Variants in DNER observed in about 807,000 individuals in gnomAD.
DNER encodes the protein delta and Notch-like epidermal growth factor-related receptor.
In DNER, 33 loss-of-function variants were observed where a neutral mutation model predicts 78.2. The ratio of observed to expected loss-of-function variants is 0.42; its 90% CI spans 0.32 to 0.56. The LOEUF is 0.56. Among genes scored for constraint, DNER ranks in the 20% least tolerant of loss-of-function variants. DNER has a pLI of 0.11. For missense variants in DNER, 918 were observed against 975.3 expected (o/e 0.94, Z 0.78); for synonymous variants, 417 against 384.8 (o/e 1.08, Z -0.98).
intron 5 of DNER, among the ~76,000 whole-genome samples, chr2:229,545,531 G>A (rs958196213): frequency 6.6e-6 from 1 of 152,164 alleles, no homozygotes; most frequent in East Asian, 1.9e-4. Context: ...CCGAGATCGC[G>A]CCACTGCACT....
intron 6 of DNER, among the ~76,000 whole-genome samples, chr2:229,505,177 AGTGTGTGTGTGT>A (rs144321798): frequency 1.5e-4 from 19 of 126,512 alleles, no homozygotes; most frequent in South Asian, 1.2e-3. Context: ...GTGTTGCTGC[AGTGTGTGTGTGT>A]GTGTGTGTGT....
At chr2:229,499,942 T>C (rs1372962810) in intron 6 of DNER, among the ~76,000 whole-genome samples, 6 of 151,370 alleles carry the variant, frequency 4.0e-5, no homozygotes, top group African/African-American at 7.3e-5. Context: ...TTTTTTTTTT[T>C]TTTTCTCTTC....
chr2:229,406,962 G>A (rs1475710632), intron 10 of DNER, among the ~76,000 whole-genome samples: 1 of 152,020 alleles, frequency 6.6e-6, no homozygotes, highest in Admixed American at 6.6e-5. Context: ...CATTTCTCAT[G>A]TTTCATAGTC....
intron 11 of DNER, among the ~76,000 whole-genome samples, chr2:229,372,641 G>C (rs1162936567): frequency 6.6e-6 from 1 of 152,162 alleles, no homozygotes; most frequent in African/African-American, 2.4e-5. Flanking sequence ...GGAAACAGTG[G>C]GAGGGAGGGT....
chr2:229,640,939 C>T (rs76275919), intron 1 of DNER, among the ~76,000 whole-genome samples: 67 of 152,184 alleles, frequency 4.4e-4, no homozygotes, highest in Non-Finnish European at 6.3e-4. Flanking sequence ...AGAGTATGGG[C>T]AAGAGATTGG....
chr2:229,678,484 T>C (rs1042632948), intron 1 of DNER, among the ~76,000 whole-genome samples: 6 of 152,056 alleles, frequency 3.9e-5, no homozygotes, highest in Non-Finnish European at 7.4e-5. Context: ...TATGAAGTTA[T>C]TAAAAAGGTG....
At chr2:229,678,442 T>TA (rs34980726) in intron 1 of DNER, among the ~76,000 whole-genome samples, 33,051 of 152,072 alleles carry the variant, frequency 0.22, 3,765 homozygotes, top group East Asian at 0.37. Context: ...TTCTTCCCCA[T>TA]AAAAAATATT....
At chr2:229,601,217 T>C (rs113494845) in intron 1 of DNER, among the ~76,000 whole-genome samples, 3 of 152,310 alleles carry the variant, frequency 2.0e-5, no homozygotes, top group African/African-American at 4.8e-5. Flanking sequence ...AAATGAACAA[T>C]GTTGGGGTCC....
chr2:229,541,656 C>T (rs982454862), intron 5 of DNER, among the ~76,000 whole-genome samples: 2 of 151,846 alleles, frequency 1.3e-5, no homozygotes, highest in African/African-American at 4.8e-5. Context: ...CTCATCCAAT[C>T]AGTTAAAGAC....
intron 7 of DNER, among the ~76,000 whole-genome samples, chr2:229,450,335 G>A (rs936332345): frequency 1.3e-5 from 2 of 152,108 alleles, no homozygotes; most frequent in African/African-American, 2.4e-5. Context: ...TTATACCTAC[G>A]TTAGGAGCAT....
At chr2:229,518,799 A>C (rs1696034323) in intron 5 of DNER, among the ~76,000 whole-genome samples, 1 of 152,236 alleles carries the variant, frequency 6.6e-6, no homozygotes, top group South Asian at 2.1e-4. Context: ...ATCCACTATG[A>C]GGATATTGTT....
chr2:229,613,349 A>G (rs1698085527), intron 1 of DNER, among the ~76,000 whole-genome samples: 1 of 152,256 alleles, frequency 6.6e-6, no homozygotes, highest in African/African-American at 2.4e-5. Flanking sequence ...AAAGAGCCAG[A>G]TCACCTGAAT....
chr2:229,514,064 T>C (rs1219136023), intron 5 of DNER, among the ~76,000 whole-genome samples: 1 of 152,164 alleles, frequency 6.6e-6, no homozygotes, highest in Admixed American at 6.5e-5. Context: ...TACATTTTTG[T>C]CTCTCAATCA....
chr2:229,425,466 G>A (rs1026610545), intron 8 of DNER, among the ~76,000 whole-genome samples: 6 of 152,150 alleles, frequency 3.9e-5, no homozygotes, highest in Admixed American at 2.6e-4. Flanking sequence ...CCAGCCCACA[G>A]ACCCTGACCT....
In DNER at chr2:229,486,894, C is replaced by A. The variant is rs1695287014; in HGVS notation, c.1148-9641G>T. Among the ~76,000 whole-genome samples, 3 of 152,112 alleles carry A rather than the reference C, an allele frequency of 2.0e-5. No individual in the cohort carries two copies. In the South Asian group the frequency reaches 6.2e-4, roughly 32 times the overall value. ...TCACAGACTTACTGAAGGAGAAACT[C>A]TGGGGGTGGGGCCTGGCAACTGAGG... On this transcript the variant is annotated intron_variant, in intron 6 of 12. Transcript: ENST00000341772.
At chr2:229,390,949 A>T (rs1208695988) in intron 10 of DNER, among the ~76,000 whole-genome samples, 1 of 152,062 alleles carries the variant, frequency 6.6e-6, no homozygotes, top group Non-Finnish European at 1.5e-5. Context: ...CCTCCTACGC[A>T]TCTAGTTGAA....
At chr2:229,368,228 T>C (rs1436969391) in intron 11 of DNER, among the ~76,000 whole-genome samples, 1 of 152,108 alleles carries the variant, frequency 6.6e-6, no homozygotes, top group Non-Finnish European at 1.5e-5. Flanking sequence ...CCAGGCATAG[T>C]GGCACATGCC....
chr2:229,670,731 ATGT>A (rs1467351194), intron 1 of DNER, among the ~76,000 whole-genome samples: 1 of 152,224 alleles, frequency 6.6e-6, no homozygotes, highest in Non-Finnish European at 1.5e-5. Flanking sequence ...GATGATGGAA[ATGT>A]TGTATCCCAC....
intron 1 of DNER, among the ~76,000 whole-genome samples, chr2:229,608,793 T>C (rs1449798674): frequency 6.6e-6 from 1 of 152,190 alleles, no homozygotes; most frequent in Non-Finnish European, 1.5e-5. Context: ...TTGCCTGTTT[T>C]ATTTATTTAT....
Sources: allele counts gnomAD v4.1 joint callset (sites outside exome capture counted in the v4.1 genomes callset), GRCh38; gene constraint gnomAD v4.1.1; transcripts MANE v1.5; gene names NCBI Gene and HGNC (gene_info 2026-07-23, HGNC 2026-07-21).